NOTUM: variants seen among roughly 807,000 people sequenced by gnomAD.
NOTUM encodes palmitoleoyl-protein carboxylesterase NOTUM.
Under a neutral mutation model 65.5 loss-of-function variants are expected in NOTUM, and 36 were observed. The observed-to-expected ratio is 0.55, with a 90% CI of 0.42 to 0.73. NOTUM has a LOEUF of 0.73. Ranked by LOEUF, NOTUM falls within the 30% of genes least tolerant of loss-of-function variation. The pLI, the probability that NOTUM is intolerant of heterozygous loss-of-function variation, is 0.00. For synonymous variants in NOTUM, 356 were observed against 297.9 expected (o/e 1.20, Z -2.01); for missense variants, 659 against 694.2 (o/e 0.95, Z 0.57).
chr17:81,959,384 TG>T, intron 3 of NOTUM, 86 bp downstream of exon 3: 2 of 1,021,662 alleles, frequency 2.0e-6, no homozygotes, highest in Non-Finnish European at 2.9e-6. Flanking sequence ...ATGTGCGGGG[TG>T]GGGGCCTGGC....
chr17:81,958,893 C>T lies in NOTUM; in HGVS notation c.533+42G>A, dbSNP rs369206548. On this transcript the variant is annotated intron_variant, in intron 4 of 10. Transcript: ENST00000409678. ...GGAAGGACCCCCCGGGAAGAACCAC[C>T]CTCCAGGCAGGACTCCCAGGCAAGA... 37 of 1,508,822 alleles carry T rather than the reference C, an allele frequency of 2.5e-5. No individual in the cohort carries two copies. In the African/African-American group the frequency reaches 3.0e-4, roughly 12 times the overall value. The allele number at this position is 1,508,822 out of a possible 1,614,324, so 93.5% of individuals were successfully genotyped here. A position where few individuals can be genotyped will look rare whatever the true frequency, so the allele number is the denominator to read the frequency against.
chr17:81,955,869 A>G (rs1598367664), intron 8 of NOTUM, among the ~76,000 whole-genome samples: 1 of 53,298 alleles, frequency 1.9e-5, no homozygotes, highest in South Asian at 6.5e-4. Flanking sequence ...AGGCCCCTGC[A>G]GTGCCCCCTA....
At position 81,953,076 on chromosome 17, in the gene NOTUM, TG is replaced by T. The variant is rs759627624; in HGVS notation, c.1375del (p.Gln459LysfsTer3). 13 of 1,613,890 alleles carry T rather than the reference TG, an allele frequency of 8.1e-6. No homozygotes were observed. The South Asian group carries it at 1.4e-4, about 18-fold the overall frequency. On this transcript the variant is annotated frameshift_variant, in exon 11 of 11. Transcript: ENST00000409678. LOFTEE classifies it high-confidence loss of function. ...CPTVRDQFTG[Q>X]EMNVAQFLMH... ...GAGGAACTGGGCCACGTTCATCTCT[TG>T]CCCCGTGAACTGGTCTCGGACGGTG... is the stretch of plus-strand genomic sequence containing the variant.
In NOTUM at chr17:81,960,487, C is replaced by T. The variant is rs2041466251; in HGVS notation, c.323+100G>A. 1 of 863,280 alleles carries T rather than the reference C, an allele frequency of 1.2e-6. No individual in the cohort carries two copies. The highest frequency in any genetic ancestry group is 1.7e-6 in the Non-Finnish European group (1 of 598,894). The allele number at this position is 863,280 out of a possible 1,614,324, so 53.5% of individuals were successfully genotyped here. A position where few individuals can be genotyped will look rare whatever the true frequency, so the allele number is the denominator to read the frequency against. On this transcript the variant is annotated intron_variant, in intron 1 of 10. Coordinates refer to ENST00000409678, the MANE Select transcript of NOTUM (RefSeq NM_178493.6). This position sits in a 1 kb window ranked among gnomAD's most constrained non-coding sequence, Gnocchi z 6.4. ...GACCGCGGGGCGCCCGACGGAAGCC[C>T]TTTCTCCCCGGGGAGAGAACGGCCG...
At chr17:81,956,150 C>T (rs1172357312) in intron 8 of NOTUM, among the ~76,000 whole-genome samples, 1 of 152,220 alleles carries the variant, frequency 6.6e-6, no homozygotes, top group Non-Finnish European at 1.5e-5. Context: ...TGAAGACGGG[C>T]TCTGTTTAAC....
intron 10 of NOTUM, among the ~76,000 whole-genome samples, chr17:81,953,978 A>G (rs1297599052): frequency 2.6e-5 from 4 of 151,252 alleles, no homozygotes; most frequent in Non-Finnish European, 4.4e-5. Flanking sequence ...GGGTTTCACT[A>G]TATTGGCCAG....
chr17:81,960,087 C>A lies in NOTUM; in HGVS notation c.324-395G>T, dbSNP rs994434357. Among the ~76,000 whole-genome samples the A allele has an allele frequency of 6.6e-6, 1 of 152,026 alleles. No homozygotes were observed. The highest frequency in any genetic ancestry group is 2.4e-5 in the African/African-American group (1 of 41,428). ...GCGCGGGAGGCGCGGGCGGCACCGA[C>A]CCGGCGGGGGAGCCTTCCTGCCGAG... On this transcript the variant is annotated intron_variant, in intron 1 of 10. Transcript: ENST00000409678. The surrounding 1 kb of genome is among the most constrained non-coding windows in gnomAD (Gnocchi z 6.4).
intron 3 of NOTUM, 62 bp downstream of exon 3, chr17:81,959,409 G>T: frequency 7.7e-7 from 1 of 1,297,266 alleles, no homozygotes; most frequent in South Asian, 1.3e-5. Context: ...GGCTCCAGGA[G>T]GCGGGCGCGG....
At chr17:81,953,660 G>A (rs551710554) in intron 10 of NOTUM, among the ~76,000 whole-genome samples, 4 of 150,782 alleles carry the variant, frequency 2.7e-5, no homozygotes, top group South Asian at 2.1e-4. Context: ...CTAGAATGCA[G>A]TGGTGTGATC....
intron 4 of NOTUM, among the ~76,000 whole-genome samples, 197 bp from the exon 5 acceptor site, chr17:81,958,590 C>A (rs926501128): frequency 2.6e-5 from 4 of 151,396 alleles, no homozygotes; most frequent in African/African-American, 9.8e-5. Flanking sequence ...CAGGACAGGA[C>A]CCTTTCCAGG....
At chr17:81,957,171 G>A (rs974797078) in intron 6 of NOTUM, 97 bp from the exon 7 acceptor site, 3 of 953,490 alleles carry the variant, frequency 3.1e-6, no homozygotes, top group African/African-American at 1.6e-5. Context: ...AGGGGGGCAG[G>A]AGTCCTGATG....
rs1308418720 is a variant in NOTUM, at chr17:81,959,049, G to C, written c.473-54C>G. The C allele has an allele frequency of 3.3e-6, 5 of 1,500,424 alleles. No homozygotes were observed. The Admixed American group carries it at 8.4e-5, about 25-fold the overall frequency. 92.9% of individuals were successfully genotyped at this position (1,500,424 alleles called of 1,614,324 possible). Reference sequence around the variant, plus strand: ...TAGCGGGAGGAGGCTGTGTAGGGTCGGGTCTGGGAACCCTGGTGAGGTGTT... The same window carrying C: ...TAGCGGGAGGAGGCTGTGTAGGGTCCGGTCTGGGAACCCTGGTGAGGTGTT... On this transcript the variant is annotated intron_variant, in intron 3 of 10. Transcript: ENST00000409678.
In NOTUM at chr17:81,960,936, C is replaced by G; in HGVS notation, c.-27G>C. The G allele has an allele frequency of 8.3e-7, 1 of 1,205,406 alleles. No individual in the cohort carries two copies. The highest frequency in any genetic ancestry group is 4.0e-5 in the South Asian group (1 of 24,948). The allele number at this position is 1,205,406 out of a possible 1,614,324, so 74.7% of individuals were successfully genotyped here. ...GCCGCGTCCACCTGCGGGGAGCGGG[C>G]GGCCTTGAGGCGGCGGCGGCGGCGG... On this transcript the variant is annotated 5_prime_UTR_variant, in exon 1 of 11. Transcript: ENST00000409678. The surrounding 1 kb of genome is among the most constrained non-coding windows in gnomAD (Gnocchi z 6.4).
Position 81,952,713 on chromosome 17 carries a change from C to T in NOTUM, c.*248G>A, listed in dbSNP as rs537133242. On this transcript the variant is annotated 3_prime_UTR_variant, in exon 11 of 11. Coordinates refer to ENST00000409678, the MANE Select transcript of NOTUM (RefSeq NM_178493.6). ...GAATCCAGTGCTTCTCTTCTGGCTA[C>T]CCCCTCGTTGTCAGGAAGGACCCCC... The T allele has an allele frequency of 1.1e-5, 6 of 563,452 alleles. No individual in the cohort carries two copies. In the East Asian group the frequency reaches 1.8e-4, roughly 17 times the overall value. The allele number at this position is 563,452 out of a possible 1,614,324, so 34.9% of individuals were successfully genotyped here.
At chr17:81,959,604 A>G in intron 2 of NOTUM, 36 bp downstream of exon 2, 1 of 1,543,180 alleles carries the variant, frequency 6.5e-7, no homozygotes, top group Middle Eastern at 1.9e-4. Flanking sequence ...GCGCGCACAG[A>G]CCCCCGGCCT....
In NOTUM at chr17:81,953,152, C is replaced by A. The variant is rs750640665; in HGVS notation, c.1300G>T (p.Val434Phe). Residue 434 changes from valine to phenylalanine, a missense_variant, in exon 11 of 11, where the codon GTC becomes TTC. Transcript: ENST00000409678. The part of the protein sequence containing the change: ...ASKTPLKGCP[V>F]HLVDSCPWPH... Reference sequence around the variant, plus strand: ...CAGGGGCAGCTGTCCACCAGGTGGACGGGGCAGCCCTTGAGGGGGGTCTTG... The same window carrying A: ...CAGGGGCAGCTGTCCACCAGGTGGAAGGGGCAGCCCTTGAGGGGGGTCTTG... The A allele has an allele frequency of 1.1e-5, 18 of 1,612,992 alleles. No homozygotes were observed. In the African/African-American group the frequency reaches 1.9e-4, roughly 17 times the overall value.
At position 81,960,577 on chromosome 17, in the gene NOTUM, C is replaced by A. The variant is rs893077990; in HGVS notation, c.323+10G>T. ...GGGCGGGGCGGGGAGGTGCAGGGCG[C>A]GGGCCTTACCCGGCGGGGCTGCCGT... On this transcript the variant is annotated intron_variant, in intron 1 of 10. Coordinates refer to ENST00000409678, the MANE Select transcript of NOTUM (RefSeq NM_178493.6). The surrounding 1 kb of genome is among the most constrained non-coding windows in gnomAD (Gnocchi z 6.4). 2 of 1,480,084 alleles carry A rather than the reference C, an allele frequency of 1.4e-6. No homozygotes were observed. Among genetic ancestry groups the A allele is most frequent in the South Asian group, 1.3e-5 (1 of 77,592 alleles). 91.7% of individuals were successfully genotyped at this position (1,480,084 alleles called of 1,614,324 possible).
chr17:81,955,074 A>G (rs1010467541), intron 9 of NOTUM, among the ~76,000 whole-genome samples: 1 of 149,994 alleles, frequency 6.7e-6, no homozygotes, highest in Admixed American at 6.6e-5. Context: ...TCCACCTCCC[A>G]GTTCAAGTGA....
rs1211462095 is a variant in NOTUM at position 81,959,652 on chromosome 17, G to A, written c.364C>T (p.Leu122Phe). ...GCCCTGGACGCACCTTCCAGGAAGAGGAGCCACCGCCGGCTGCCCCTGGAC... is the reference window on the plus strand; with the variant it reads ...GCCCTGGACGCACCTTCCAGGAAGAAGAGCCACCGCCGGCTGCCCCTGGAC... ...KESRGSRRWL[L>F]FLEGGWYCFN... Residue 122 changes from leucine to phenylalanine, a missense_variant, in exon 2 of 11, where the codon CTC becomes TTC. Transcript: ENST00000409678. 3.2e-6 allele frequency: 5 copies of A among 1,544,036 alleles called. No homozygotes were observed. The African/African-American group carries it at 5.5e-5, about 17-fold the overall frequency.
Sources: gnomAD v4.1 joint callset for allele counts (sites outside exome capture counted in the v4.1 genomes callset) on GRCh38, gnomAD v4.1.1 for gene constraint, Gnocchi (gnomAD v3.1) non-coding constraint, MANE v1.5 for transcripts, NCBI Gene and HGNC (gene_info 2026-07-23, HGNC 2026-07-21) for gene names.